LDLRAD3: variants seen among roughly 807,000 people sequenced by gnomAD.
LDLRAD3 encodes low-density lipoprotein receptor class A domain-containing protein 3.
In LDLRAD3, 20 loss-of-function variants were observed where a neutral mutation model predicts 29.4. The observed-to-expected ratio is 0.68, with a 90% CI of 0.48 to 0.99. The LOEUF (loss-of-function observed/expected upper bound fraction) is 0.99. Ranked by LOEUF, LDLRAD3 falls within the 50% of genes least tolerant of loss-of-function variation. LDLRAD3 has a pLI of 0.00. For missense variants in LDLRAD3, 420 were observed against 454.3 expected (o/e 0.92, Z 0.69); for synonymous variants, 157 against 192.7 (o/e 0.81, Z 1.53).
intron 1 of LDLRAD3, among the ~76,000 whole-genome samples, chr11:36,030,157 T>G (rs550066791): frequency 6.6e-6 from 1 of 152,304 alleles, no homozygotes; most frequent in African/African-American, 2.4e-5. Flanking sequence ...GCTCAGGGGC[T>G]TAGACCCAGA....
intron 1 of LDLRAD3, among the ~76,000 whole-genome samples, chr11:36,026,204 C>T (rs76088939): frequency 0.014 from 2,099 of 152,310 alleles, 26 homozygotes; most frequent in East Asian, 0.066. Flanking sequence ...CAGTAAGTTT[C>T]TCAGATTTAC....
chr11:36,178,689 T>G (rs1224256598), intron 4 of LDLRAD3, among the ~76,000 whole-genome samples: 1 of 152,242 alleles, frequency 6.6e-6, no homozygotes, highest in Non-Finnish European at 1.5e-5. Context: ...ACATGAAATA[T>G]TCTGTCTCCA....
At chr11:35,984,439 C>A (rs960740850) in intron 1 of LDLRAD3, among the ~76,000 whole-genome samples, 4 of 152,154 alleles carry the variant, frequency 2.6e-5, no homozygotes, top group Non-Finnish European at 5.9e-5. Context: ...ACAGTCTAAG[C>A]CACTTTCAGC....
In LDLRAD3 at chr11:36,229,251, G is replaced by A. The variant is rs534314852; in HGVS notation, c.892G>A (p.Gly298Arg). ...CCTGCCCCCCTACCGCTCCCGGTCC[G>A]GGAGTGCCAACAGTGCCAGCTCCCA... ...ADLPPYRSRS[G>R]SANSASSQAA... Residue 298 changes from glycine (G) to arginine (R), a missense_variant, in exon 6 of 6, where the codon GGG becomes AGG. Physicochemically the swap from Gly to Arg is moderately radical, Grantham distance 125. This residue lies in a region of LDLRAD3 where 140 missense variants were observed against 139.9 expected (regional missense o/e 1.00). Transcript: ENST00000315571. The A allele has an allele frequency of 6.9e-5, 111 of 1,614,014 alleles. No individual in the cohort carries two copies. The East Asian group carries it at 7.6e-4, about 11-fold the overall frequency.
chr11:36,029,145 T>G (rs1457932814), intron 1 of LDLRAD3, among the ~76,000 whole-genome samples: 1 of 152,120 alleles, frequency 6.6e-6, no homozygotes, highest in Non-Finnish European at 1.5e-5. Flanking sequence ...CTTGGGAGGC[T>G]GAGACAGAAG....
chr11:36,124,513 C>CG (rs1215570593), intron 4 of LDLRAD3, among the ~76,000 whole-genome samples: 7 of 152,082 alleles, frequency 4.6e-5, no homozygotes, highest in Admixed American at 4.6e-4. Context: ...CCCTTAACCA[C>CG]GGCTCTCCCA....
intron 4 of LDLRAD3, among the ~76,000 whole-genome samples, chr11:36,144,797 A>C: frequency 8.9e-6 from 1 of 112,726 alleles, no homozygotes; most frequent in African/African-American, 4.3e-5. Context: ...CCCGTCCGGG[A>C]GGGAGGTGGG....
chr11:36,092,580 T>C lies in LDLRAD3; in HGVS notation c.320-5747T>C, dbSNP rs75420614. On this transcript the variant is annotated intron_variant, in intron 3 of 5. Coordinates refer to ENST00000315571, the MANE Select transcript of LDLRAD3 (RefSeq NM_174902.4). Reference sequence around the variant, plus strand: ...TATTTTTCCACTCTCTACCACCGTGTGATCAAATTTTTAGCTTTTGGAATT... The same window carrying C: ...TATTTTTCCACTCTCTACCACCGTGCGATCAAATTTTTAGCTTTTGGAATT... 9.4e-3 allele frequency among the ~76,000 whole-genome samples: 1,438 copies of C among 152,328 alleles called. 24 individuals carry two copies. The highest frequency in any genetic ancestry group is 0.033 in the African/African-American group (1,369 of 41,574).
chr11:36,085,067 A>G (rs1029403602), intron 3 of LDLRAD3, among the ~76,000 whole-genome samples: 2 of 152,224 alleles, frequency 1.3e-5, no homozygotes, highest in African/African-American at 4.8e-5. Flanking sequence ...GTCTTCTTCT[A>G]GTATCATTTT....
chr11:36,047,825 C>T (rs1352291351), intron 2 of LDLRAD3, among the ~76,000 whole-genome samples: 1 of 152,160 alleles, frequency 6.6e-6, no homozygotes, highest in Non-Finnish European at 1.5e-5. Context: ...CCCCTTCAAA[C>T]AGCAGCTGGC....
At position 36,084,196 on chromosome 11, in the gene LDLRAD3, A is replaced by T. The variant is rs375258407; in HGVS notation, c.319+2418A>T. On this transcript the variant is annotated intron_variant, in intron 3 of 5. Coordinates refer to ENST00000315571, the MANE Select transcript of LDLRAD3 (RefSeq NM_174902.4). ...CGCCTTGGGTTCCCAAAGTGCTGGG[A>T]TTATAGGCATGAGCCACCATGCCTG... 1.2e-4 allele frequency among the ~76,000 whole-genome samples: 19 copies of T among 152,188 alleles called. No individual in the cohort carries two copies. In the East Asian group the frequency reaches 2.3e-3, roughly 19 times the overall value.
At chr11:36,167,144 C>T (rs1468895876) in intron 4 of LDLRAD3, among the ~76,000 whole-genome samples, 7 of 152,122 alleles carry the variant, frequency 4.6e-5, no homozygotes, top group Non-Finnish European at 1.0e-4. Context: ...ATCTGCAGGG[C>T]AGGTCAGCAA....
chr11:35,981,701 G>C (rs78706078), intron 1 of LDLRAD3, among the ~76,000 whole-genome samples: 85 of 152,278 alleles, frequency 5.6e-4, no homozygotes, highest in South Asian at 6.2e-4. Context: ...CGCATTGGCA[G>C]GATAGACTTG....
chr11:36,004,946 A>G (rs999536054), intron 1 of LDLRAD3, among the ~76,000 whole-genome samples: 1 of 152,170 alleles, frequency 6.6e-6, no homozygotes, highest in African/African-American at 2.4e-5. Context: ...CCATGTCCCA[A>G]GGCTGCAGAG....
At chr11:36,214,856 C>G (rs924052403) in intron 4 of LDLRAD3, among the ~76,000 whole-genome samples, 1 of 152,236 alleles carries the variant, frequency 6.6e-6, no homozygotes, top group Admixed American at 6.5e-5. Flanking sequence ...GAGTTAGAGA[C>G]ACTCTGCCGG....
intron 4 of LDLRAD3, among the ~76,000 whole-genome samples, chr11:36,142,968 G>T (rs1854108442): frequency 6.6e-6 from 1 of 152,186 alleles, no homozygotes; most frequent in South Asian, 2.1e-4. Flanking sequence ...AGGTACATTT[G>T]AAAAAGGAGC....
At chr11:36,083,469 T>C (rs1853147129) in intron 3 of LDLRAD3, among the ~76,000 whole-genome samples, 1 of 152,162 alleles carries the variant, frequency 6.6e-6, no homozygotes. Flanking sequence ...TTTATCCCAT[T>C]GTTGGAGATA....
chr11:36,049,172 T>C (rs1197004278), intron 2 of LDLRAD3, among the ~76,000 whole-genome samples: 3 of 152,326 alleles, frequency 2.0e-5, no homozygotes, highest in East Asian at 3.9e-4. Flanking sequence ...CGCTTGGTAA[T>C]GGCTAATAAA....
intron 4 of LDLRAD3, among the ~76,000 whole-genome samples, chr11:36,177,545 AT>A (rs1854696780): frequency 6.6e-6 from 1 of 152,062 alleles, no homozygotes. Flanking sequence ...TCCCCTAGGG[AT>A]GGGGCTTCCT....
Sources: gnomAD v4.1 joint callset for allele counts (sites outside exome capture counted in the v4.1 genomes callset) on GRCh38, gnomAD v4.1.1 for gene constraint, gnomAD v4.1.1 regional missense constraint, MANE v1.5 for transcripts, NCBI Gene and HGNC (gene_info 2026-07-23, HGNC 2026-07-21) for gene names.